Variants in XYLT1 observed in about 807,000 individuals in gnomAD.
XYLT1 encodes xylosyltransferase 1.
A neutral mutation model predicts 91.3 loss-of-function variants in XYLT1; 36 were observed. The observed-to-expected ratio is 0.39, with a 90% CI of 0.30 to 0.52. The LOEUF is 0.52. XYLT1 is among the 20% of genes least tolerant of loss of function. The pLI is 0.68. For missense variants in XYLT1, 1,242 were observed against 1,284.5 expected (o/e 0.97, Z 0.51); for synonymous variants, 588 against 532.0 (o/e 1.11, Z -1.45).
chr16:17,325,923 A>G (rs185477706), intron 2 of XYLT1, among the ~76,000 whole-genome samples: 2 of 152,356 alleles, frequency 1.3e-5, no homozygotes, highest in East Asian at 3.9e-4. Context: ...GAAAGCCCCT[A>G]TGTTCAGGAG....
chr16:17,115,800 TAAAA>T (rs71137969), intron 11 of XYLT1, among the ~76,000 whole-genome samples: 83 of 50,334 alleles, frequency 1.6e-3, no homozygotes, highest in African/African-American at 5.3e-3. Flanking sequence ...TCTGTTATAT[TAAAA>T]AAAAAAAAAA....
At chr16:17,324,990 AT>A (rs1358665303) in intron 2 of XYLT1, among the ~76,000 whole-genome samples, 3 of 152,096 alleles carry the variant, frequency 2.0e-5, no homozygotes, top group Admixed American at 1.3e-4. Context: ...ATAATTATGG[AT>A]GTTATTTATT....
chr16:17,390,323 A>T (rs2035801393), intron 1 of XYLT1, among the ~76,000 whole-genome samples: 1 of 152,234 alleles, frequency 6.6e-6, no homozygotes, highest in African/African-American at 2.4e-5. Flanking sequence ...AGGCAGACAC[A>T]GGAGGAATGA....
At chr16:17,179,161 C>T (rs1489349219) in intron 5 of XYLT1, among the ~76,000 whole-genome samples, 1 of 152,082 alleles carries the variant, frequency 6.6e-6, no homozygotes. Flanking sequence ...TACATATTCT[C>T]GCTTGTAAGG....
At chr16:17,138,274 G>A (rs928277693) in intron 8 of XYLT1, 81 bp downstream of exon 8, 21 of 1,528,068 alleles carry the variant, frequency 1.4e-5, no homozygotes, top group Non-Finnish European at 1.8e-5. Flanking sequence ...AAGATGACCT[G>A]CAGGTCTGGC....
At chr16:17,293,888 G>A (rs758073652) in intron 2 of XYLT1, among the ~76,000 whole-genome samples, 31 of 152,172 alleles carry the variant, frequency 2.0e-4, no homozygotes, top group Admixed American at 6.5e-5. Flanking sequence ...ACGCATCTTG[G>A]GGAAATGCAT....
At chr16:17,321,399 C>T (rs1274327489) in intron 2 of XYLT1, among the ~76,000 whole-genome samples, 2 of 104,220 alleles carry the variant, frequency 1.9e-5, no homozygotes, top group African/African-American at 3.6e-5. Flanking sequence ...ACTTTGTCAT[C>T]CAGGCTGGAG....
rs1276835800 is a variant in XYLT1 at position 17,103,819 on chromosome 16, G to A, written c.*4876C>T. 1.3e-5 allele frequency: 2 copies of A among 152,218 alleles called. No individual in the cohort carries two copies. Among genetic ancestry groups the A allele is most frequent in the Non-Finnish European group, 1.5e-5 (1 of 68,098 alleles). 9.4% of individuals were successfully genotyped at this position (152,218 alleles called of 1,614,324 possible). A position where few individuals can be genotyped will look rare whatever the true frequency, so the allele number is the denominator to read the frequency against. On this transcript the variant is annotated 3_prime_UTR_variant, in exon 12 of 12. Coordinates refer to ENST00000261381, the MANE Select transcript of XYLT1 (RefSeq NM_022166.4). Reference sequence around the variant, plus strand: ...TACGCCTGGTAAGACCAGAGCCAAAGACAACGTGAGGGGTAGACACAGGTG... The same window carrying A: ...TACGCCTGGTAAGACCAGAGCCAAAAACAACGTGAGGGGTAGACACAGGTG...
intron 5 of XYLT1, among the ~76,000 whole-genome samples, chr16:17,184,196 T>C (rs1016756661): frequency 6.6e-6 from 1 of 150,438 alleles, no homozygotes; most frequent in Non-Finnish European, 1.5e-5. Context: ...TTTTTTTTTT[T>C]TTTTTTTTTG....
intron 10 of XYLT1, among the ~76,000 whole-genome samples, chr16:17,122,079 TC>T (rs1192305055): frequency 6.6e-6 from 1 of 152,194 alleles, no homozygotes; most frequent in African/African-American, 2.4e-5. Context: ...TGTGCAAGAA[TC>T]TTTTTTGTAT....
At chr16:17,251,654 G>T (rs1232657918) in intron 3 of XYLT1, among the ~76,000 whole-genome samples, 1 of 152,220 alleles carries the variant, frequency 6.6e-6, no homozygotes, top group Non-Finnish European at 1.5e-5. Context: ...TGACATGCAG[G>T]TGTTCAAAAT....
chr16:17,308,010 T>C (rs771776656), intron 2 of XYLT1, among the ~76,000 whole-genome samples: 1 of 152,222 alleles, frequency 6.6e-6, no homozygotes, highest in Middle Eastern at 3.2e-3. Context: ...CCACTCTCCA[T>C]GATCTGCAGT....
intron 1 of XYLT1, among the ~76,000 whole-genome samples, chr16:17,379,765 A>T (rs9930109): frequency 0.13 from 14,595 of 116,182 alleles, 660 homozygotes; most frequent in Admixed American, 0.18. Flanking sequence ...TCTCTCTCTC[A>T]CACACACACA....
At chr16:17,321,460 C>T (rs935671839) in intron 2 of XYLT1, among the ~76,000 whole-genome samples, 16 of 143,124 alleles carry the variant, frequency 1.1e-4, no homozygotes, top group Non-Finnish European at 7.5e-5. Context: ...TTGGTTCAAG[C>T]AATTCTCCTG....
chr16:17,190,237 C>T (rs1005560709), intron 5 of XYLT1, among the ~76,000 whole-genome samples: 7 of 152,146 alleles, frequency 4.6e-5, no homozygotes, highest in Non-Finnish European at 7.4e-5. Flanking sequence ...TGTGAATGTA[C>T]TGAATGCCAT....
chr16:17,134,739 T>C lies in XYLT1; in HGVS notation c.1765-4A>G, dbSNP rs756722460. 1.2e-6 allele frequency: 2 copies of C among 1,612,870 alleles called. No individual in the cohort carries two copies. The highest frequency in any genetic ancestry group is 1.7e-6 in the Non-Finnish European group (2 of 1,178,966). ...AGAAGGTAGGCCGGGCTGTCTGCTGTACTCATGGGATTAAAAATAGAAAAG... is the reference window on the plus strand; with the variant it reads ...AGAAGGTAGGCCGGGCTGTCTGCTGCACTCATGGGATTAAAAATAGAAAAG... On this transcript the variant is annotated splice_region_variant and splice_polypyrimidine_tract_variant and intron_variant, in intron 8 of 11. Coordinates refer to ENST00000261381, the MANE Select transcript of XYLT1 (RefSeq NM_022166.4).
In XYLT1 at chr16:17,106,708, C is replaced by G. The variant is rs1165834104; in HGVS notation, c.*1987G>C. The G allele has an allele frequency of 6.6e-6, 1 of 152,168 alleles. No individual in the cohort carries two copies. Among genetic ancestry groups the G allele is most frequent in the Non-Finnish European group, 1.5e-5 (1 of 68,072 alleles). The allele number at this position is 152,168 out of a possible 1,614,324, so 9.4% of individuals were successfully genotyped here. A position where few individuals can be genotyped will look rare whatever the true frequency, so the allele number is the denominator to read the frequency against. ...CTCACCCTCCACGTTTTCTGCCTGT[C>G]ACCTCCTTGTGCCTGTGACGGGGGG... On this transcript the variant is annotated 3_prime_UTR_variant, in exon 12 of 12. Transcript: ENST00000261381.
chr16:17,127,718 A>G lies in XYLT1; in HGVS notation c.2171T>C (p.Val724Ala), dbSNP rs2030309901. The change falls in exon 10 of 12, where the codon GTC becomes GCC. Residue 724 changes from valine (V) to alanine (A), a missense_variant. Coordinates refer to ENST00000261381, the MANE Select transcript of XYLT1 (RefSeq NM_022166.4). ...ACTGGGTGGGCTTGCGATCTTGAAG[A>G]CTTTTTTCGGCATCACCCAGGTCTC... is the stretch of plus-strand genomic sequence containing the variant. Reference protein sequence around the residue: ...TLETWVMPKKVFKIASPPSDF... With the variant: ...TLETWVMPKKAFKIASPPSDF... 1 of 1,614,034 alleles carries G rather than the reference A, an allele frequency of 6.2e-7. No homozygotes were observed. The highest frequency in any genetic ancestry group is 1.7e-5 in the Admixed American group (1 of 59,994).
chr16:17,413,486 T>G (rs2036139627), intron 1 of XYLT1, among the ~76,000 whole-genome samples: 1 of 151,080 alleles, frequency 6.6e-6, no homozygotes, highest in Admixed American at 6.6e-5. Context: ...TCACCCAGGC[T>G]AGAATGCAGT....
Sources: allele counts gnomAD v4.1 joint callset (sites outside exome capture counted in the v4.1 genomes callset), GRCh38; gene constraint gnomAD v4.1.1; transcripts MANE v1.5; gene names NCBI Gene and HGNC (gene_info 2026-07-23, HGNC 2026-07-21).